Variants in VSNL1 observed in about 807,000 individuals in gnomAD.
VSNL1 encodes visinin like 1.
Under a neutral mutation model 20.4 loss-of-function variants are expected in VSNL1, and 6 were observed. The ratio of observed to expected loss-of-function variants is 0.29; its 90% CI spans 0.16 to 0.58. The LOEUF is 0.58. Among genes scored for constraint, VSNL1 ranks in the 20% least tolerant of loss-of-function variants. The pLI is 0.90. For missense variants in VSNL1, 100 were observed against 234.5 expected (o/e 0.43, Z 3.75); for synonymous variants, 93 against 86.4 (o/e 1.08, Z -0.42).
At position 17,656,269 on chromosome 2, in the gene VSNL1, T is replaced by A. The variant is rs1425143442; in HGVS notation, c.*875T>A. On this transcript the variant is annotated 3_prime_UTR_variant, in exon 4 of 4. Coordinates refer to ENST00000295156, the MANE Select transcript of VSNL1 (RefSeq NM_003385.5). Reference sequence around the variant, plus strand: ...CTAAATCTACTCTTAAATATACAACTTTGGAATTTGAAGAATTAATGACAA... The same window carrying A: ...CTAAATCTACTCTTAAATATACAACATTGGAATTTGAAGAATTAATGACAA... The A allele has an allele frequency of 6.6e-6, 1 of 152,100 alleles. No individual in the cohort carries two copies. The highest frequency in any genetic ancestry group is 1.5e-5 in the Non-Finnish European group (1 of 68,034). 9.4% of individuals were successfully genotyped at this position (152,100 alleles called of 1,614,324 possible).
At chr2:17,623,126 A>C (rs1665424700) in intron 2 of VSNL1, among the ~76,000 whole-genome samples, 1 of 152,248 alleles carries the variant, frequency 6.6e-6, no homozygotes, top group Non-Finnish European at 1.5e-5. Flanking sequence ...GGACAGTTTA[A>C]CATTACAAAT....
At chr2:17,573,074 A>G (rs750838087) in intron 1 of VSNL1, among the ~76,000 whole-genome samples, 5 of 152,256 alleles carry the variant, frequency 3.3e-5, no homozygotes, top group Non-Finnish European at 7.3e-5. Flanking sequence ...AAAGTAACCA[A>G]TATCTTTAAG....
chr2:17,611,248 G>A (rs1665078356), intron 2 of VSNL1, among the ~76,000 whole-genome samples: 1 of 152,196 alleles, frequency 6.6e-6, no homozygotes, highest in Non-Finnish European at 1.5e-5. Context: ...GAGGCACAAG[G>A]AGAGGAAGTA....
chr2:17,576,249 A>G (rs554811010), intron 1 of VSNL1, among the ~76,000 whole-genome samples: 6 of 152,230 alleles, frequency 3.9e-5, no homozygotes, highest in East Asian at 1.9e-4. Flanking sequence ...CCATGTTTCA[A>G]CATTGCATTC....
intron 3 of VSNL1, among the ~76,000 whole-genome samples, chr2:17,652,239 G>A (rs2103433107): frequency 6.6e-6 from 1 of 152,296 alleles, no homozygotes; most frequent in East Asian, 1.9e-4. Context: ...GCAACCTGAT[G>A]TTTAGAGGTG....
At chr2:17,568,407 A>G (rs1343289197) in intron 1 of VSNL1, among the ~76,000 whole-genome samples, 1 of 152,164 alleles carries the variant, frequency 6.6e-6, no homozygotes, top group Admixed American at 6.5e-5. Context: ...AGCTAGGACT[A>G]TAGGTACATG....
chr2:17,559,957 T>C (rs1187309220), intron 1 of VSNL1, among the ~76,000 whole-genome samples: 2 of 151,994 alleles, frequency 1.3e-5, no homozygotes, highest in South Asian at 2.1e-4. Context: ...CAACAAAAAT[T>C]AGTAAAAACT....
intron 1 of VSNL1, among the ~76,000 whole-genome samples, chr2:17,554,163 G>A (rs1373710713): frequency 6.6e-6 from 1 of 152,156 alleles, no homozygotes; most frequent in Admixed American, 6.5e-5. Flanking sequence ...TATGTTATCT[G>A]AGAATCACCT....
intron 2 of VSNL1, among the ~76,000 whole-genome samples, chr2:17,639,927 TCTC>T (rs1420228280): frequency 6.6e-6 from 1 of 152,086 alleles, no homozygotes; most frequent in Non-Finnish European, 1.5e-5. Flanking sequence ...AGCAGCCAAT[TCTC>T]CTCTATCCTG....
chr2:17,653,525 T>C (rs1666165096), intron 3 of VSNL1, among the ~76,000 whole-genome samples: 2 of 152,252 alleles, frequency 1.3e-5, no homozygotes, highest in Admixed American at 6.5e-5. Context: ...ATCAGGACCT[T>C]GTCTACCAAT....
At chr2:17,628,949 T>C (rs1665572712) in intron 2 of VSNL1, among the ~76,000 whole-genome samples, 1 of 152,228 alleles carries the variant, frequency 6.6e-6, no homozygotes, top group Non-Finnish European at 1.5e-5. Context: ...TACCAAGCCT[T>C]AGGTCTCTCT....
At chr2:17,617,086 A>G (rs1329216233) in intron 2 of VSNL1, among the ~76,000 whole-genome samples, 2 of 152,134 alleles carry the variant, frequency 1.3e-5, no homozygotes, top group Non-Finnish European at 2.9e-5. Context: ...TGATCTCTCC[A>G]TGAACTTAAT....
At chr2:17,599,446 T>A (rs13391422) in intron 2 of VSNL1, among the ~76,000 whole-genome samples, 1 of 152,208 alleles carries the variant, frequency 6.6e-6, no homozygotes, top group Admixed American at 6.5e-5. Context: ...GGGTCAAGTA[T>A]GTTAGGTTGA....
chr2:17,620,197 G>C (rs769103918), intron 2 of VSNL1, among the ~76,000 whole-genome samples: 2 of 152,236 alleles, frequency 1.3e-5, no homozygotes, highest in African/African-American at 2.4e-5. Flanking sequence ...GTCAGGCAGA[G>C]AGGGTACCAC....
At chr2:17,591,152 C>T (rs1403008745) in intron 1 of VSNL1, among the ~76,000 whole-genome samples, 1 of 152,072 alleles carries the variant, frequency 6.6e-6, no homozygotes, top group African/African-American at 2.4e-5. Flanking sequence ...TCTGAAAGAG[C>T]TTCATTATTA....
At chr2:17,624,814 T>A (rs566941533) in intron 2 of VSNL1, among the ~76,000 whole-genome samples, 13 of 152,288 alleles carry the variant, frequency 8.5e-5, no homozygotes, top group African/African-American at 3.1e-4. Context: ...AGATAATGAA[T>A]GTATTGCTTT....
At chr2:17,608,010 G>T (rs1284891941) in intron 2 of VSNL1, among the ~76,000 whole-genome samples, 1 of 152,192 alleles carries the variant, frequency 6.6e-6, no homozygotes, top group Non-Finnish European at 1.5e-5. Context: ...CAGCAAAAGA[G>T]AGTTGTCAAT....
At chr2:17,633,509 ACT>A (rs1257873116) in intron 2 of VSNL1, among the ~76,000 whole-genome samples, 2 of 151,234 alleles carry the variant, frequency 1.3e-5, no homozygotes. Flanking sequence ...ACAGAGTGAG[ACT>A]CTGTCTCAGA....
intron 2 of VSNL1, among the ~76,000 whole-genome samples, chr2:17,639,151 C>A (rs1665825446): frequency 6.6e-6 from 1 of 152,164 alleles, no homozygotes; most frequent in East Asian, 1.9e-4. Context: ...GAGAGGGAGG[C>A]CTTTAACTCC....
Sources: gnomAD v4.1 joint callset for allele counts (sites outside exome capture counted in the v4.1 genomes callset) on GRCh38, gnomAD v4.1.1 for gene constraint, MANE v1.5 for transcripts, NCBI Gene and HGNC (gene_info 2026-07-23, HGNC 2026-07-21) for gene names.